Variants in DOCK4 observed in about 807,000 individuals in gnomAD.
DOCK4 encodes dedicator of cytokinesis protein 4.
A neutral mutation model predicts 268.1 loss-of-function variants in DOCK4; 97 were observed. That is an observed-to-expected ratio of 0.36 (90% CI 0.31 to 0.43). The LOEUF is 0.43. DOCK4 is among the 20% of genes least tolerant of loss of function. DOCK4 has a pLI of 1.00. For synonymous variants in DOCK4, 954 were observed against 887.2 expected (o/e 1.08, Z -1.34); for missense variants, 2,145 against 2,455.7 (o/e 0.87, Z 2.67).
At chr7:111,739,661 T>G (rs1237897286) in intron 47 of DOCK4, 184 bp from the exon 48 acceptor site, 1 of 597,360 alleles carries the variant, frequency 1.7e-6, no homozygotes, top group East Asian at 2.9e-5. Context: ...AAGTCTGAGA[T>G]TTTGACTCCT....
At chr7:112,144,815 C>A (rs1285622448) in intron 1 of DOCK4, among the ~76,000 whole-genome samples, 1 of 152,174 alleles carries the variant, frequency 6.6e-6, no homozygotes, top group African/African-American at 2.4e-5. Context: ...TATGCACACT[C>A]TCCTTGGGAT....
intron 44 of DOCK4, among the ~76,000 whole-genome samples, chr7:111,742,376 C>T (rs563509253): frequency 6.6e-6 from 1 of 152,266 alleles, no homozygotes; most frequent in Non-Finnish European, 1.5e-5. Flanking sequence ...TTTTCCTACT[C>T]CCCCAGGCTT....
chr7:112,177,045 T>G (rs1818597544), intron 1 of DOCK4, among the ~76,000 whole-genome samples: 1 of 152,210 alleles, frequency 6.6e-6, no homozygotes, highest in Non-Finnish European at 1.5e-5. Flanking sequence ...CTTCTAATTC[T>G]AGTCATCACT....
At chr7:112,086,256 T>G (rs970593683) in intron 1 of DOCK4, among the ~76,000 whole-genome samples, 2 of 152,032 alleles carry the variant, frequency 1.3e-5, no homozygotes, top group African/African-American at 4.8e-5. Flanking sequence ...GAAAGGGAAA[T>G]CCAGAAAAAC....
At chr7:112,003,089 G>T (rs1361773988) in intron 2 of DOCK4, among the ~76,000 whole-genome samples, 1 of 149,804 alleles carries the variant, frequency 6.7e-6, no homozygotes, top group Non-Finnish European at 1.5e-5. Flanking sequence ...AAGAAAAAAA[G>T]AAAAAGGAAA....
chr7:112,022,803 A>G (rs1802439372), intron 1 of DOCK4, among the ~76,000 whole-genome samples: 1 of 152,112 alleles, frequency 6.6e-6, no homozygotes, highest in African/African-American at 2.4e-5. Context: ...TGAAATGCTT[A>G]TTTTCTTAAT....
chr7:112,044,312 G>GT (rs1804645702), intron 1 of DOCK4, among the ~76,000 whole-genome samples: 1 of 152,188 alleles, frequency 6.6e-6, no homozygotes, highest in Non-Finnish European at 1.5e-5. Context: ...ACTGGAAATA[G>GT]TAGAAGACAA....
intron 41 of DOCK4, among the ~76,000 whole-genome samples, chr7:111,755,887 C>G (rs1247323871): frequency 1.3e-5 from 2 of 152,184 alleles, no homozygotes; most frequent in African/African-American, 2.4e-5. Flanking sequence ...ATTTTCTTTG[C>G]TACTTCTCCA....
At chr7:112,044,907 C>T (rs1804706134) in intron 1 of DOCK4, among the ~76,000 whole-genome samples, 1 of 152,192 alleles carries the variant, frequency 6.6e-6, no homozygotes, top group Admixed American at 6.5e-5. Flanking sequence ...CTCTTCCCAG[C>T]CCTCAGACCA....
At chr7:111,934,180 A>G (rs1177036878) in intron 12 of DOCK4, among the ~76,000 whole-genome samples, 5 of 152,234 alleles carry the variant, frequency 3.3e-5, no homozygotes, top group Non-Finnish European at 7.3e-5. Flanking sequence ...TTTTGCTTCA[A>G]TGTGGGTCTG....
At chr7:111,930,971 T>C (rs897951558) in intron 12 of DOCK4, among the ~76,000 whole-genome samples, 5 of 152,058 alleles carry the variant, frequency 3.3e-5, no homozygotes, top group African/African-American at 9.7e-5. Flanking sequence ...AATATTAGAG[T>C]GAAGAGGCTT....
chr7:111,805,534 C>T (rs1259080081), intron 30 of DOCK4, among the ~76,000 whole-genome samples: 1 of 152,156 alleles, frequency 6.6e-6, no homozygotes, highest in East Asian at 1.9e-4. Context: ...TAAACATAAG[C>T]AGTTCTAGGT....
chr7:111,778,424 A>G, intron 35 of DOCK4, 55 bp from the exon 36 acceptor site: 1 of 1,173,724 alleles, frequency 8.5e-7, no homozygotes, highest in African/African-American at 1.5e-5. Flanking sequence ...GCCTACAATT[A>G]TCTGCCTTTT....
intron 13 of DOCK4, among the ~76,000 whole-genome samples, chr7:111,904,711 G>C (rs1200295339): frequency 6.6e-6 from 1 of 152,122 alleles, no homozygotes; most frequent in Admixed American, 6.6e-5. Context: ...CTGTGCTACT[G>C]CTATGGTGTG....
At chr7:112,124,836 G>A (rs567301410) in intron 1 of DOCK4, among the ~76,000 whole-genome samples, 12 of 152,110 alleles carry the variant, frequency 7.9e-5, no homozygotes, top group South Asian at 6.2e-4. Context: ...TATATAATTC[G>A]TTTTTTTAAC....
chr7:111,745,683 TAAAA>T (rs781530065), intron 44 of DOCK4, among the ~76,000 whole-genome samples: 55 of 49,612 alleles, frequency 1.1e-3, no homozygotes, highest in African/African-American at 4.4e-3. Flanking sequence ...GACTCCGTCT[TAAAA>T]AAAAAAAAAA....
At chr7:111,739,069 C>T (rs1795706570) in intron 49 of DOCK4, 65 bp downstream of exon 49, 2 of 1,424,014 alleles carry the variant, frequency 1.4e-6, no homozygotes. Context: ...CGTGTTTCTG[C>T]AGAGATAGGT....
chr7:112,020,419 T>G (rs1234612806), intron 1 of DOCK4, among the ~76,000 whole-genome samples: 1 of 152,086 alleles, frequency 6.6e-6, no homozygotes, highest in African/African-American at 2.4e-5. Context: ...AAAACAAAAC[T>G]AAACAAAACA....
intron 1 of DOCK4, among the ~76,000 whole-genome samples, chr7:112,134,887 G>T (rs1814173775): frequency 6.6e-6 from 1 of 151,918 alleles, no homozygotes; most frequent in African/African-American, 2.4e-5. Context: ...CCATTTCTCA[G>T]AATAAAAATA....
Sources: allele counts gnomAD v4.1 joint callset (sites outside exome capture counted in the v4.1 genomes callset), GRCh38; gene constraint gnomAD v4.1.1; transcripts MANE v1.5; gene names NCBI Gene and HGNC (gene_info 2026-07-23, HGNC 2026-07-21).